ARHGAP5: variants seen among roughly 807,000 people sequenced by gnomAD.
ARHGAP5 encodes Rho GTPase activating protein 5.
ARHGAP5 carries 23 observed loss-of-function variants against 116.6 expected under a neutral mutation model. That is an observed-to-expected ratio of 0.20 (90% CI 0.14 to 0.28). The LOEUF is 0.28. Ranked by LOEUF, ARHGAP5 falls within the 10% of genes least tolerant of loss-of-function variation. The pLI is 1.00. For missense variants in ARHGAP5, 1,405 were observed against 1,774.8 expected, an observed-to-expected ratio of 0.79 and a Z score of 3.74; for synonymous variants, 574 against 602.0, an observed-to-expected ratio of 0.95 and a Z score of 0.68.
chr14:32,115,238 A>G (rs1470685948), intron 2 of ARHGAP5, among the ~76,000 whole-genome samples: 1 of 152,212 alleles, frequency 6.6e-6, no homozygotes. Context: ...TGAGATGTTC[A>G]TTCTTTGGCT....
At chr14:32,104,592 G>C (rs916664764) in intron 2 of ARHGAP5, among the ~76,000 whole-genome samples, 1 of 152,146 alleles carries the variant, frequency 6.6e-6, no homozygotes, top group Non-Finnish European at 1.5e-5. Context: ...TCCCCTGAAG[G>C]CTTCTTTCTT....
chr14:32,112,640 A>C (rs1028276661), intron 2 of ARHGAP5, among the ~76,000 whole-genome samples: 3 of 152,192 alleles, frequency 2.0e-5, no homozygotes, highest in Admixed American at 1.3e-4. Context: ...TGGGAGGCCA[A>C]GGCGGGCAGA....
intron 4 of ARHGAP5, among the ~76,000 whole-genome samples, chr14:32,148,152 CA>C (rs760846796): frequency 2.9e-5 from 4 of 139,298 alleles, no homozygotes; most frequent in Non-Finnish European, 6.3e-5. Context: ...GACTGCATCT[CA>C]AAAAAAAGAA....
At chr14:32,112,223 T>C (rs912983623) in intron 2 of ARHGAP5, among the ~76,000 whole-genome samples, 1 of 152,194 alleles carries the variant, frequency 6.6e-6, no homozygotes, top group Non-Finnish European at 1.5e-5. Flanking sequence ...ATTTCACTGC[T>C]CAAGTTTTGT....
At chr14:32,153,985 A>G (rs1881777839) in intron 6 of ARHGAP5, 1 of 152,300 alleles carries the variant, frequency 6.6e-6, no homozygotes, top group Admixed American at 6.5e-5. Context: ...TATTAGTGTC[A>G]AACACCTATG....
rs191450518 is a variant in ARHGAP5, at chr14:32,129,172, G to A, written c.3865+11885G>A. ...CTTTTGGTTAGGTTAGATAGAATCTGTGGAAAAACCTAAGGTGTTTCTCTT... is the reference window on the plus strand; with the variant it reads ...CTTTTGGTTAGGTTAGATAGAATCTATGGAAAAACCTAAGGTGTTTCTCTT... On this transcript the variant is annotated intron_variant, in intron 3 of 6. Transcript: ENST00000345122. Among the ~76,000 whole-genome samples, 44 of 152,268 alleles carry A rather than the reference G, an allele frequency of 2.9e-4. No homozygotes were observed. The East Asian group carries it at 7.5e-3, about 26-fold the overall frequency.
At chr14:32,146,934 G>A (rs371872698) in intron 4 of ARHGAP5, among the ~76,000 whole-genome samples, 1 of 152,156 alleles carries the variant, frequency 6.6e-6, no homozygotes, top group African/African-American at 2.4e-5. Flanking sequence ...ATTTTATGGA[G>A]CATATACTCC....
At chr14:32,141,244 G>A (rs1881111115) in intron 3 of ARHGAP5, among the ~76,000 whole-genome samples, 1 of 152,096 alleles carries the variant, frequency 6.6e-6, no homozygotes, top group Non-Finnish European at 1.5e-5. Flanking sequence ...GTTGGATGCT[G>A]TTTTTCTCTT....
intron 2 of ARHGAP5, among the ~76,000 whole-genome samples, chr14:32,102,655 A>G (rs750908331): frequency 2.0e-5 from 3 of 152,240 alleles, no homozygotes; most frequent in Non-Finnish European, 2.9e-5. Flanking sequence ...GAAAACCACA[A>G]TGTCTACTGC....
chr14:32,138,576 G>A (rs555068971), intron 3 of ARHGAP5, among the ~76,000 whole-genome samples: 50 of 152,292 alleles, frequency 3.3e-4, no homozygotes, highest in African/African-American at 9.1e-4. Flanking sequence ...GAGCCACTGC[G>A]CCTGGCCAAC....
intron 3 of ARHGAP5, among the ~76,000 whole-genome samples, chr14:32,140,097 C>CTTT (rs1182430088): frequency 3.9e-5 from 1 of 25,386 alleles, no homozygotes; most frequent in Non-Finnish European, 7.3e-5. Context: ...GTTATTTGTT[C>CTTT]TTTTTTTTTT....
At chr14:32,079,751 A>G (rs1244412356) in intron 1 of ARHGAP5, among the ~76,000 whole-genome samples, 1 of 152,184 alleles carries the variant, frequency 6.6e-6, no homozygotes, top group Non-Finnish European at 1.5e-5. Context: ...ATGAAATGGC[A>G]TAATAGAGAT....
At chr14:32,116,564 G>C (rs1229533749) in intron 2 of ARHGAP5, among the ~76,000 whole-genome samples, 1 of 152,150 alleles carries the variant, frequency 6.6e-6, no homozygotes, top group Non-Finnish European at 1.5e-5. Flanking sequence ...CTCCACTCCA[G>C]TCTGGGCGAC....
chr14:32,109,890 CT>C (rs1360442119), intron 2 of ARHGAP5, among the ~76,000 whole-genome samples: 10 of 151,378 alleles, frequency 6.6e-5, no homozygotes, highest in Non-Finnish European at 1.0e-4. Flanking sequence ...GGCTGTCCTG[CT>C]TTTTTTTTCC....
At chr14:32,088,581 C>T (rs2041853612) in intron 1 of ARHGAP5, among the ~76,000 whole-genome samples, 1 of 151,896 alleles carries the variant, frequency 6.6e-6, no homozygotes, top group Admixed American at 6.6e-5. Context: ...AGGTAAAGAA[C>T]ATTAAAGCTG....
chr14:32,133,173 G>A (rs569421904), intron 3 of ARHGAP5, among the ~76,000 whole-genome samples: 3 of 152,194 alleles, frequency 2.0e-5, no homozygotes, highest in Non-Finnish European at 2.9e-5. Context: ...AAATTACCTT[G>A]GGCAATATGG....
intron 2 of ARHGAP5, among the ~76,000 whole-genome samples, chr14:32,097,378 G>GA (rs377125075): frequency 6.6e-6 from 1 of 152,040 alleles, no homozygotes; most frequent in Non-Finnish European, 1.5e-5. Context: ...AACTAAATGA[G>GA]AAAAAATACT....
chr14:32,111,930 G>A (rs1879328728), intron 2 of ARHGAP5, among the ~76,000 whole-genome samples: 1 of 149,792 alleles, frequency 6.7e-6, no homozygotes, highest in African/African-American at 2.5e-5. Context: ...TAACCTCCCG[G>A]GTTCAAGTGA....
rs577494832 is a variant in ARHGAP5 at position 32,139,451 on chromosome 14, C to T, written c.3866-6812C>T. Reference sequence around the variant, plus strand: ...ATCAGTTTTGGTAGTTGGTATATTTCTAAAAAAGTTTATTTCATTTAACTT... The same window carrying T: ...ATCAGTTTTGGTAGTTGGTATATTTTTAAAAAAGTTTATTTCATTTAACTT... On this transcript the variant is annotated intron_variant, in intron 3 of 6. Coordinates refer to ENST00000345122, the MANE Select transcript of ARHGAP5 (RefSeq NM_001030055.2). Among the ~76,000 whole-genome samples, 278 of 151,990 alleles carry T rather than the reference C, an allele frequency of 1.8e-3. 1 individual carries two copies. Among genetic ancestry groups the T allele is most frequent in the Non-Finnish European group, 3.5e-3 (241 of 67,934 alleles).
Sources: allele counts gnomAD v4.1 joint callset (sites outside exome capture counted in the v4.1 genomes callset), GRCh38; gene constraint gnomAD v4.1.1; transcripts MANE v1.5; gene names NCBI Gene and HGNC (gene_info 2026-07-23, HGNC 2026-07-21).